The following KDR variants were observed in gnomAD, a reference collection of about 807,000 sequenced individuals.
The protein encoded by KDR is vascular endothelial growth factor receptor 2.
Under a neutral mutation model 160.9 loss-of-function variants are expected in KDR, and 43 were observed. The ratio of observed to expected loss-of-function variants is 0.27; its 90% CI spans 0.21 to 0.34. The LOEUF (loss-of-function observed/expected upper bound fraction) is 0.34. KDR is among the 10% of genes least tolerant of loss of function. The pLI, the probability that KDR is intolerant of heterozygous loss-of-function variation, is 1.00. For missense variants in KDR, 1,469 were observed against 1,666.4 expected (o/e 0.88, Z 2.06); for synonymous variants, 617 against 600.1 (o/e 1.03, Z -0.41).
At position 55,113,358 on chromosome 4, in the gene KDR, C is replaced by T. The variant is rs1720643535; in HGVS notation, c.922G>A (p.Ala308Thr). The change falls in exon 7 of 30, where the codon GCA becomes ACA. Residue 308 changes from alanine to threonine, a missense_variant. Ala to Thr is a moderately conservative substitution (Grantham distance 58). Coordinates refer to ENST00000263923, the MANE Select transcript of KDR (RefSeq NM_002253.4). ...TTGGTCATCAGCCCACTGGATGCTGCACAGGTGTACAATCCTTGGTCACTC... is the reference window on the plus strand; with the variant it reads ...TTGGTCATCAGCCCACTGGATGCTGTACAGGTGTACAATCCTTGGTCACTC... ...TRSDQGLYTC[A>T]ASSGLMTKKN... 1.9e-6 allele frequency: 3 copies of T among 1,613,984 alleles called. No homozygotes were observed. Among genetic ancestry groups the T allele is most frequent in the African/African-American group, 2.7e-5 (2 of 74,914 alleles).
intron 2 of KDR, among the ~76,000 whole-genome samples, 185 bp downstream of exon 2, chr4:55,120,912 T>C (rs986937162): frequency 5.9e-5 from 9 of 151,830 alleles, no homozygotes; most frequent in Non-Finnish European, 8.8e-5. Flanking sequence ...ACCAGCAAAA[T>C]TGTACAGAAT....
rs150363393 is a variant in KDR at position 55,116,628 on chromosome 4, G to A, written c.359-1217C>T. Reference sequence around the variant, plus strand: ...GTGCTTCATAATAGTCAGTCAAAGTGAAGAAAGAGTTAATTAAACCACAGG... The same window carrying A: ...GTGCTTCATAATAGTCAGTCAAAGTAAAGAAAGAGTTAATTAAACCACAGG... On this transcript the variant is annotated intron_variant, in intron 3 of 29. Coordinates refer to ENST00000263923, the MANE Select transcript of KDR (RefSeq NM_002253.4). Among the ~76,000 whole-genome samples the A allele has an allele frequency of 7.6e-4, 115 of 152,198 alleles. 1 individual carries two copies. The highest frequency in any genetic ancestry group is 6.8e-3 in the Middle Eastern group (2 of 294).
At chr4:55,118,094 T>C (rs1049655042) in intron 3 of KDR, among the ~76,000 whole-genome samples, 5 of 152,192 alleles carry the variant, frequency 3.3e-5, no homozygotes, top group African/African-American at 1.2e-4. Flanking sequence ...ATGTCTTTAT[T>C]TGCACATGAG....
At chr4:55,103,432 T>C (rs906263797) in intron 13 of KDR, among the ~76,000 whole-genome samples, 2 of 152,144 alleles carry the variant, frequency 1.3e-5, no homozygotes, top group African/African-American at 2.4e-5. Context: ...GGAAAACAAG[T>C]TAGGAGTCCT....
chr4:55,125,342 T>G lies in KDR; in HGVS notation c.-49A>C. 6.4e-7 allele frequency: 1 copy of G among 1,571,696 alleles called. No homozygotes were observed. The highest frequency in any genetic ancestry group is 8.6e-7 in the Non-Finnish European group (1 of 1,157,796). Reference sequence around the variant, plus strand: ...TGCCCAGAACTCGGGAGCCGGTTCTTTCTCCCAGCGCCTGTCTAGAGAAGG... The same window carrying G: ...TGCCCAGAACTCGGGAGCCGGTTCTGTCTCCCAGCGCCTGTCTAGAGAAGG... On this transcript the variant is annotated 5_prime_UTR_variant, in exon 1 of 30. Coordinates refer to ENST00000263923, the MANE Select transcript of KDR (RefSeq NM_002253.4).
chr4:55,113,402 G>C lies in KDR; in HGVS notation c.878C>G (p.Thr293Ser), dbSNP rs760118634. 6.2e-7 allele frequency: 1 copy of C among 1,613,994 alleles called. No individual in the cohort carries two copies. Among genetic ancestry groups the C allele is most frequent in the Non-Finnish European group, 8.5e-7 (1 of 1,179,928 alleles). Residue 293 changes from threonine to serine, a missense_variant, in exon 7 of 30, where the codon ACT (threonine) becomes AGT (serine). Physicochemically the swap from Thr to Ser is moderately conservative, Grantham distance 58. Transcript: ENST00000263923. ...GTCACTCCGGGTTACACCATCTATA[G>C]TTAAGGTGCTCAAAAATTTCTTCAT... ...SEMKKFLSTL[T>S]IDGVTRSDQG...
intron 16 of KDR, 25 bp downstream of exon 16, chr4:55,098,672 G>A (rs1233295536): frequency 9.1e-6 from 14 of 1,538,888 alleles, no homozygotes; most frequent in Non-Finnish European, 1.2e-5. Flanking sequence ...AATGTGCATG[G>A]GCAGAAGGGA....
intron 4 of KDR, 67 bp from the exon 5 acceptor site, chr4:55,115,109 C>G (rs1023943520): frequency 1.5e-6 from 2 of 1,374,428 alleles, no homozygotes; most frequent in African/African-American, 1.4e-5. Context: ...GTACAATGAT[C>G]ACTGAAGAAT....
At chr4:55,107,666 G>A in intron 10 of KDR, 71 bp downstream of exon 10, 4 of 1,595,200 alleles carry the variant, frequency 2.5e-6, no homozygotes, top group South Asian at 1.1e-5. Flanking sequence ...ATTTAGGATG[G>A]AGTCATATCA....
intron 15 of KDR, among the ~76,000 whole-genome samples, 161 bp from the exon 16 acceptor site, chr4:55,098,964 A>C (rs1720235619): frequency 6.6e-6 from 1 of 151,378 alleles, no homozygotes; most frequent in African/African-American, 2.4e-5. Flanking sequence ...GAGTCTACAG[A>C]ATTCTTTTTT....
In KDR at chr4:55,114,227, C is replaced by T; in HGVS notation, c.697G>A (p.Gly233Arg). Residue 233 changes from glycine to arginine, a missense_variant, in exon 6 of 30, where the codon GGA becomes AGA. This residue lies in a region of KDR where 792 missense variants were observed against 840.9 expected (regional missense o/e 0.94). Coordinates refer to ENST00000263923, the MANE Select transcript of KDR (RefSeq NM_002253.4). ...IYDVVLSPSHGIELSVGEKLV... is the reference protein window; with the variant it reads ...IYDVVLSPSHRIELSVGEKLV... ...TTTTCTCCAACAGATAGTTCAATTC[C>T]ATGAGACGGACTCAGAACCACATCA... 6.2e-7 allele frequency: 1 copy of T among 1,613,960 alleles called. No homozygotes were observed. The highest frequency in any genetic ancestry group is 1.1e-5 in the South Asian group (1 of 91,078).
intron 9 of KDR, among the ~76,000 whole-genome samples, chr4:55,110,058 C>T (rs1180623700): frequency 1.3e-5 from 2 of 152,140 alleles, no homozygotes; most frequent in Non-Finnish European, 2.9e-5. Flanking sequence ...CATCTGTGTA[C>T]CAGGTGGGCA....
chr4:55,102,430 G>A lies in KDR; in HGVS notation c.2066C>T (p.Thr689Met), dbSNP rs34038364. ...SIGESIEVSC[T>M]ASGNPPPQIM... ...CTGTGGAGGGGGATTCCCAGATGCC[G>A]TGCATGAGACTTCGATGCTTTCCCC... Residue 689 changes from threonine to methionine, a missense_variant, in exon 14 of 30, where the codon ACG becomes ATG. Physicochemically the swap from Thr to Met is moderately conservative, Grantham distance 81. This residue lies in a region of KDR where 792 missense variants were observed against 840.9 expected (regional missense o/e 0.94). Transcript: ENST00000263923. 5,359 of 1,613,602 alleles carry A rather than the reference G, an allele frequency of 3.3e-3. 13 individuals carry two copies. Among genetic ancestry groups the A allele is most frequent in the Non-Finnish European group, 3.5e-3 (4,099 of 1,179,620 alleles).
At chr4:55,087,810 C>A in intron 26 of KDR, 52 bp from the exon 27 acceptor site, 1 of 1,590,768 alleles carries the variant, frequency 6.3e-7, no homozygotes, top group Non-Finnish European at 8.6e-7. Flanking sequence ...TCTTCAAGTG[C>A]CTTTTCATTA....
intron 7 of KDR, among the ~76,000 whole-genome samples, chr4:55,112,462 G>A (rs36151314): frequency 0.28 from 42,782 of 151,244 alleles, 6,768 homozygotes; most frequent in Admixed American, 0.4. Context: ...GTTATCAGTA[G>A]GGCTTCCAGT....
chr4:55,089,550 TC>T, intron 24 of KDR, 77 bp from the exon 25 acceptor site: 1 of 1,345,672 alleles, frequency 7.4e-7, no homozygotes, highest in Non-Finnish European at 1.1e-6. Context: ...ATCTTGCACA[TC>T]CTCATCACCT....
intron 2 of KDR, 123 bp downstream of exon 2, chr4:55,120,974 C>T (rs1720857599): frequency 1.5e-6 from 1 of 663,512 alleles, no homozygotes; most frequent in African/African-American, 1.8e-5. Flanking sequence ...TTCTTAGAAA[C>T]CTCACCACTT....
intron 6 of KDR, 88 bp downstream of exon 6, chr4:55,114,038 G>C: frequency 7.2e-7 from 1 of 1,386,938 alleles, no homozygotes; most frequent in South Asian, 1.2e-5. Context: ...ATTTTATCTG[G>C]CCAAAGAGGC....
rs1719678638 is a variant in KDR, at chr4:55,079,672, C to T, written c.*269G>A. On this transcript the variant is annotated 3_prime_UTR_variant, in exon 30 of 30. Coordinates refer to ENST00000263923, the MANE Select transcript of KDR (RefSeq NM_002253.4). ...CTTTGTTCTAAACCCATGGTGAGACCCGCAGCAGGGGGCATGATAAATGCT... is the reference window on the plus strand; with the variant it reads ...CTTTGTTCTAAACCCATGGTGAGACTCGCAGCAGGGGGCATGATAAATGCT... 1.9e-6 allele frequency: 1 copy of T among 517,344 alleles called. No homozygotes were observed. Among genetic ancestry groups the T allele is most frequent in the South Asian group, 2.1e-5 (1 of 47,774 alleles). 32.0% of individuals were successfully genotyped at this position (517,344 alleles called of 1,614,324 possible).
Sources: allele counts gnomAD v4.1 joint callset (sites outside exome capture counted in the v4.1 genomes callset), GRCh38; gene constraint gnomAD v4.1.1; regional missense constraint gnomAD v4.1.1; transcripts MANE v1.5; gene names NCBI Gene and HGNC (gene_info 2026-07-23, HGNC 2026-07-21).